Variants in MRTFB observed in about 807,000 individuals in gnomAD.
MRTFB encodes the protein myocardin related transcription factor B.
A neutral mutation model predicts 104.2 loss-of-function variants in MRTFB; 29 were observed. That is an observed-to-expected ratio of 0.28 (90% confidence interval 0.21 to 0.38). The LOEUF (loss-of-function observed/expected upper bound fraction) is 0.38. MRTFB is among the 10% of genes least tolerant of loss of function. The pLI is 1.00. For missense variants in MRTFB, 1,270 were observed against 1,341.6 expected (o/e 0.95, Z 0.83); for synonymous variants, 535 against 519.5 (o/e 1.03, Z -0.41).
intron 3 of MRTFB, among the ~76,000 whole-genome samples, chr16:14,165,139 T>C (rs1183509515): frequency 6.6e-6 from 1 of 151,906 alleles, no homozygotes; most frequent in Non-Finnish European, 1.5e-5. Flanking sequence ...GATGGGGTTG[T>C]ATCTAGTATT....
chr16:14,075,997 A>G (rs1227302652), intron 1 of MRTFB, among the ~76,000 whole-genome samples: 1 of 152,202 alleles, frequency 6.6e-6, no homozygotes, highest in Non-Finnish European at 1.5e-5. Flanking sequence ...GATTCTCTCC[A>G]TAAATAACCT....
At chr16:14,085,457 CAAA>C (rs386384321) in intron 2 of MRTFB, among the ~76,000 whole-genome samples, 4 of 61,864 alleles carry the variant, frequency 6.5e-5, no homozygotes, top group African/African-American at 1.0e-4. Flanking sequence ...AATTCCATCT[CAAA>C]AAAAAAAAAA....
At chr16:14,083,558 G>A (rs1197152923) in intron 2 of MRTFB, among the ~76,000 whole-genome samples, 1 of 152,130 alleles carries the variant, frequency 6.6e-6, no homozygotes, top group Non-Finnish European at 1.5e-5. Flanking sequence ...TGGTGTTAGG[G>A]TTCAAGGCAA....
intron 8 of MRTFB, among the ~76,000 whole-genome samples, chr16:14,230,914 A>C (rs933911111): frequency 5.9e-5 from 9 of 151,436 alleles, no homozygotes; most frequent in Non-Finnish European, 8.8e-5. Context: ...CTGGATTAAG[A>C]AAATGTGGCA....
chr16:14,256,194 C>CAAAAAAAAAAAAA (rs750556838), intron 15 of MRTFB, among the ~76,000 whole-genome samples: 1 of 77,642 alleles, frequency 1.3e-5, no homozygotes, highest in African/African-American at 4.8e-5. Context: ...AACAGGATAA[C>CAAAAAAAAAAAAA]AAAAAAAAAA....
intron 3 of MRTFB, among the ~76,000 whole-genome samples, chr16:14,164,481 C>T (rs1172752290): frequency 6.6e-6 from 1 of 152,108 alleles, no homozygotes; most frequent in African/African-American, 2.4e-5. Flanking sequence ...GGTGTTCACA[C>T]ACTACATTTT....
At chr16:14,164,116 C>T (rs1378897149) in intron 3 of MRTFB, among the ~76,000 whole-genome samples, 1 of 152,140 alleles carries the variant, frequency 6.6e-6, no homozygotes, top group East Asian at 1.9e-4. Context: ...TTAACTAAGT[C>T]ACCCTATTCT....
intron 3 of MRTFB, chr16:14,148,664 C>G (rs535933136): frequency 6.5e-6 from 1 of 152,752 alleles, no homozygotes; most frequent in East Asian, 1.9e-4. Flanking sequence ...CTATTATTGA[C>G]AGGAAGTGTA....
chr16:14,223,170 C>A lies in MRTFB; in HGVS notation c.693+4172C>A, dbSNP rs548511451. ...AAAAATACAAAAAGAAATAGCTGGG[C>A]GTGGTAGTGCATACCTGTGGTCCCA... On this transcript the variant is annotated intron_variant, in intron 8 of 16. Coordinates refer to ENST00000571589, the MANE Select transcript of MRTFB (RefSeq NM_001308142.2). 3.9e-5 allele frequency among the ~76,000 whole-genome samples: 6 copies of A among 152,030 alleles called. No homozygotes were observed. In the South Asian group the frequency reaches 1.2e-3, roughly 32 times the overall value.
At chr16:14,220,280 G>GC in intron 8 of MRTFB, among the ~76,000 whole-genome samples, 1 of 152,314 alleles carries the variant, frequency 6.6e-6, no homozygotes. Context: ...TATGCAAGTA[G>GC]ATACCATTAA....
chr16:14,231,521 C>G (rs2042266796), intron 8 of MRTFB, among the ~76,000 whole-genome samples: 1 of 152,018 alleles, frequency 6.6e-6, no homozygotes, highest in Non-Finnish European at 1.5e-5. Context: ...ATTTTTTCTG[C>G]TCCTCTCCCT....
chr16:14,006,999 A>C, the MRTFB span, among the ~76,000 whole-genome samples: 18,877 of 152,208 alleles, frequency 0.12, 1,851 homozygotes, highest in African/African-American at 0.27. Context: ...CCTGGGCAAC[A>C]GAGTGAGACC....
intron 3 of MRTFB, among the ~76,000 whole-genome samples, chr16:14,183,380 A>C (rs1597178508): frequency 6.6e-6 from 1 of 152,362 alleles, no homozygotes; most frequent in East Asian, 1.9e-4. Flanking sequence ...AAAGAGACTT[A>C]ATAATTCAAG....
chr16:14,193,799 A>C (rs2040306017), intron 3 of MRTFB: 1 of 152,190 alleles, frequency 6.6e-6, no homozygotes. Flanking sequence ...CATCAAAATT[A>C]CCATTTAAAC....
chr16:14,162,851 T>C (rs557469551), intron 3 of MRTFB, among the ~76,000 whole-genome samples: 29 of 152,340 alleles, frequency 1.9e-4, no homozygotes, highest in African/African-American at 6.7e-4. Context: ...CGTATACTTA[T>C]GATGTGTACC....
At chr16:14,200,297 C>T (rs1244781135) in intron 3 of MRTFB, 5 of 1,599,332 alleles carry the variant, frequency 3.1e-6, no homozygotes, top group East Asian at 4.5e-5. Context: ...AGTTCCGACC[C>T]GGACCCGTAC....
rs1597041276 is a variant in MRTFB at position 14,140,955 on chromosome 16, A to G, written c.154+195A>G. On this transcript the variant is annotated intron_variant, in intron 3 of 16. Coordinates refer to ENST00000571589, the MANE Select transcript of MRTFB (RefSeq NM_001308142.2). ...CATTCAGTTCTTTCATTATTTTCCC[A>G]GTAAGTATCTTTGGTAGTGACGTTA... The G allele has an allele frequency of 8.8e-6, 5 of 567,574 alleles. No homozygotes were observed. In the East Asian group the frequency reaches 1.2e-4, roughly 13 times the overall value. The allele number at this position is 567,574 out of a possible 1,614,324, so 35.2% of individuals were successfully genotyped here. A position where few individuals can be genotyped will look rare whatever the true frequency, so the allele number is the denominator to read the frequency against.
chr16:14,207,879 G>A (rs1027752957), intron 3 of MRTFB, among the ~76,000 whole-genome samples: 16 of 152,244 alleles, frequency 1.1e-4, no homozygotes, highest in Admixed American at 7.2e-4. Flanking sequence ...TTGGTCAGAA[G>A]TCTGAGTGGC....
chr16:14,256,194 C>CA (rs750556838), intron 15 of MRTFB, among the ~76,000 whole-genome samples: 2,695 of 77,580 alleles, frequency 0.035, 49 homozygotes, highest in Non-Finnish European at 0.05. Flanking sequence ...AACAGGATAA[C>CA]AAAAAAAAAA....
Sources: allele counts gnomAD v4.1 joint callset (sites outside exome capture counted in the v4.1 genomes callset), GRCh38; gene constraint gnomAD v4.1.1; transcripts MANE v1.5; gene names NCBI Gene and HGNC (gene_info 2026-07-23, HGNC 2026-07-21).